The following FER variants were observed in gnomAD, a reference collection of about 807,000 sequenced individuals.
The protein encoded by FER is FER tyrosine kinase, also known as tyrosine-protein kinase Fer.
FER carries 63 observed loss-of-function variants against 111.0 expected under a neutral mutation model. That is an observed-to-expected ratio of 0.57 (90% CI 0.46 to 0.70). The LOEUF is 0.70. Ranked by LOEUF, FER falls within the 30% of genes least tolerant of loss-of-function variation. FER has a pLI of 0.00. For missense variants in FER, 914 were observed against 954.0 expected, an observed-to-expected ratio of 0.96 and a Z score of 0.55; for synonymous variants, 327 against 313.9, an observed-to-expected ratio of 1.04 and a Z score of -0.44.
chr5:109,018,766 G>C (rs1044783153), intron 13 of FER, among the ~76,000 whole-genome samples: 1 of 151,734 alleles, frequency 6.6e-6, no homozygotes, highest in African/African-American at 2.4e-5. Flanking sequence ...ATCAAGTTCT[G>C]TAAGCAAAAT....
chr5:108,817,513 G>A (rs1163492472), intron 3 of FER, among the ~76,000 whole-genome samples: 2 of 152,206 alleles, frequency 1.3e-5, no homozygotes, highest in African/African-American at 2.4e-5. Flanking sequence ...ACAAGTAGTT[G>A]GAGGTGTAGT....
intron 13 of FER, among the ~76,000 whole-genome samples, chr5:109,036,284 T>G (rs1027120260): frequency 1.3e-5 from 2 of 152,100 alleles, no homozygotes; most frequent in Non-Finnish European, 2.9e-5. Context: ...GCATTAACTT[T>G]ATATTTAGGT....
intron 8 of FER, among the ~76,000 whole-genome samples, chr5:108,879,459 A>C (rs1351850526): frequency 6.6e-6 from 1 of 151,546 alleles, no homozygotes; most frequent in East Asian, 1.9e-4. Flanking sequence ...GTGTGTTCTC[A>C]TTTGAACTGT....
chr5:108,890,574 C>T (rs1327337626), intron 9 of FER, among the ~76,000 whole-genome samples: 1 of 152,026 alleles, frequency 6.6e-6, no homozygotes, highest in Non-Finnish European at 1.5e-5. Context: ...TGTCTCTTCT[C>T]TGTATCCAAA....
intron 2 of FER, chr5:108,782,605 A>G (rs1260060674): frequency 1.3e-5 from 2 of 152,010 alleles, no homozygotes; most frequent in Admixed American, 6.6e-5. Flanking sequence ...TTATGTTTAC[A>G]TGTAAGTCCA....
intron 1 of FER, among the ~76,000 whole-genome samples, chr5:108,766,377 C>T (rs1398714581): frequency 6.6e-6 from 1 of 152,186 alleles, no homozygotes; most frequent in East Asian, 1.9e-4. Context: ...ATTTGGTAGT[C>T]ACTTGTTTGA....
chr5:108,845,543 A>G (rs532431952), intron 5 of FER, among the ~76,000 whole-genome samples: 68 of 152,172 alleles, frequency 4.5e-4, no homozygotes, highest in African/African-American at 1.6e-3. Context: ...CATGTTATCT[A>G]TGTATAAAGA....
intron 17 of FER, among the ~76,000 whole-genome samples, chr5:109,164,953 TC>T (rs1756380232): frequency 6.6e-6 from 1 of 152,204 alleles, no homozygotes; most frequent in Non-Finnish European, 1.5e-5. Flanking sequence ...CTGTTTTTCC[TC>T]CCCATCTCTT....
At chr5:108,771,526 A>G (rs1488620742) in intron 2 of FER, among the ~76,000 whole-genome samples, 1 of 152,148 alleles carries the variant, frequency 6.6e-6, no homozygotes, top group East Asian at 1.9e-4. Context: ...GCTGGCTTTC[A>G]TAATTGTTGA....
rs56244110 is a variant in FER at position 108,835,743 on chromosome 5, C to T, written c.417C>T (p.Ser139=). 6.0e-3 allele frequency: 9,447 copies of T among 1,570,872 alleles called. 40 individuals are homozygous for T. The highest frequency in any genetic ancestry group is 7.2e-3 in the Non-Finnish European group (8,399 of 1,164,210). The change falls in exon 5 of 20, where the codon AGC becomes AGT. Residue 139 remains serine (S), a synonymous_variant. Coordinates refer to ENST00000281092, the MANE Select transcript of FER (RefSeq NM_005246.4). ...TKTELEKLKC[S]YRQLIKEMNS... is the part of the protein sequence containing the mutation. Reference sequence around the variant, plus strand: ...CAGAATTGGAGAAGTTAAAATGCAGCTATAGACAATTAATAAAAGAAATGA... The same window carrying T: ...CAGAATTGGAGAAGTTAAAATGCAGTTATAGACAATTAATAAAAGAAATGA...
intron 13 of FER, among the ~76,000 whole-genome samples, chr5:109,030,735 A>G (rs7706103): frequency 0.58 from 88,835 of 151,860 alleles, 26,732 homozygotes; most frequent in African/African-American, 0.65. Flanking sequence ...CTGGGCTGGG[A>G]CCTTATTGTG....
chr5:108,949,312 G>T (rs1450669630), intron 11 of FER, among the ~76,000 whole-genome samples: 2 of 151,942 alleles, frequency 1.3e-5, no homozygotes, highest in Admixed American at 1.3e-4. Context: ...TCAAGTTCAG[G>T]TTAAATAGTA....
At chr5:109,182,232 A>C (rs1351752096) in intron 18 of FER, among the ~76,000 whole-genome samples, 1 of 152,176 alleles carries the variant, frequency 6.6e-6, no homozygotes, top group East Asian at 1.9e-4. Flanking sequence ...GGAACCACCA[A>C]ATGTTTTCCA....
At chr5:108,848,952 A>G (rs1762289315) in intron 5 of FER, among the ~76,000 whole-genome samples, 1 of 151,856 alleles carries the variant, frequency 6.6e-6, no homozygotes, top group Non-Finnish European at 1.5e-5. Context: ...TTTTAAACAG[A>G]TTTTTACCTC....
chr5:109,060,186 A>G (rs1207476732), intron 16 of FER, among the ~76,000 whole-genome samples: 1 of 152,186 alleles, frequency 6.6e-6, no homozygotes, highest in Non-Finnish European at 1.5e-5. Context: ...ATAGACAGGC[A>G]TGAGGGTTCT....
rs149312701 is a variant in FER at position 109,021,941 on chromosome 5, T to C, written c.1657-15481T>C. Among the ~76,000 whole-genome samples, 1,037 of 152,128 alleles carry C rather than the reference T, an allele frequency of 6.8e-3. 14 individuals carry two copies. The highest frequency in any genetic ancestry group is 0.023 in the African/African-American group (965 of 41,530). The stretch of plus-strand genomic sequence containing the variant: ...CAGCTTACCTTTTAGAGGGAGAAGA[T>C]AGAGAAAGGTAAACAAATAATTTAT... On this transcript the variant is annotated intron_variant, in intron 13 of 19. Transcript: ENST00000281092.
At chr5:109,054,607 TAATC>T (rs1773387261) in intron 16 of FER, among the ~76,000 whole-genome samples, 1 of 152,214 alleles carries the variant, frequency 6.6e-6, no homozygotes, top group African/African-American at 2.4e-5. Context: ...AAAGTTTAAT[TAATC>T]AATTTTTTTC....
intron 5 of FER, among the ~76,000 whole-genome samples, chr5:108,839,909 G>A (rs893493004): frequency 6.6e-6 from 1 of 151,960 alleles, no homozygotes; most frequent in African/African-American, 2.4e-5. Context: ...TAGTTAATCA[G>A]ATTCTTTATC....
At chr5:108,791,589 C>CATATATATGATATATATATATACAT (rs1755387970) in intron 2 of FER, among the ~76,000 whole-genome samples, 2 of 130,404 alleles carry the variant, frequency 1.5e-5, no homozygotes, top group Non-Finnish European at 3.3e-5. Flanking sequence ...TATATATATA[C>CATATATATGATATATATATATACAT]ATATATATAT....
Sources: gnomAD v4.1 joint callset for allele counts (sites outside exome capture counted in the v4.1 genomes callset) on GRCh38, gnomAD v4.1.1 for gene constraint, MANE v1.5 for transcripts, NCBI Gene and HGNC (gene_info 2026-07-23, HGNC 2026-07-21) for gene names.